Variants in GABRG3 observed in about 807,000 individuals in gnomAD.
The protein encoded by GABRG3 is gamma-aminobutyric acid type A receptor subunit gamma3, also known as gamma-aminobutyric acid receptor subunit gamma-3.
GABRG3 carries 25 observed loss-of-function variants against 48.8 expected under a neutral mutation model. The ratio of observed to expected loss-of-function variants is 0.51; its 90% CI spans 0.37 to 0.72. The LOEUF is 0.72. GABRG3 is among the 30% of genes least tolerant of loss of function. The probability of loss-of-function intolerance (pLI) is 0.00; values close to 1 mark genes in which losing one functional copy is unlikely to be tolerated. For synonymous variants in GABRG3, 227 were observed against 217.6 expected (o/e 1.04, Z -0.38); for missense variants, 394 against 577.9 (o/e 0.68, Z 3.26).
intron 3 of GABRG3, among the ~76,000 whole-genome samples, chr15:27,316,731 G>A (rs1164144351): frequency 6.6e-6 from 1 of 152,148 alleles, no homozygotes; most frequent in Non-Finnish European, 1.5e-5. Flanking sequence ...TTCAATTTCT[G>A]TCAAGGCTAT....
At chr15:27,529,349 A>G (rs1315513446) in intron 9 of GABRG3, among the ~76,000 whole-genome samples, 1 of 152,228 alleles carries the variant, frequency 6.6e-6, no homozygotes, top group Admixed American at 6.5e-5. Context: ...TGATGTGAAC[A>G]ACTTTTATCA....
chr15:27,437,476 C>T (rs1888654092), intron 5 of GABRG3, among the ~76,000 whole-genome samples: 1 of 152,184 alleles, frequency 6.6e-6, no homozygotes, highest in South Asian at 2.1e-4. Flanking sequence ...CTTTCAGATT[C>T]CCTCTACTCC....
chr15:27,089,880 A>T (rs1897155885), intron 3 of GABRG3, among the ~76,000 whole-genome samples: 1 of 152,200 alleles, frequency 6.6e-6, no homozygotes, highest in African/African-American at 2.4e-5. Context: ...TCAGTACTTC[A>T]TTCCTTTTCA....
rs140222935 is a variant in GABRG3 at position 27,249,020 on chromosome 15, C to T, written c.271-77789C>T. On this transcript the variant is annotated intron_variant, in intron 3 of 9. Transcript: ENST00000615808. ...AGCAAGGGAGACCCACTGTTTGCCCCGAGGAGAAAGGACACAGAGTTTAGT... is the reference window on the plus strand; with the variant it reads ...AGCAAGGGAGACCCACTGTTTGCCCTGAGGAGAAAGGACACAGAGTTTAGT... 6.3e-4 allele frequency among the ~76,000 whole-genome samples: 96 copies of T among 152,028 alleles called. 1 individual carries two copies. In the East Asian group the frequency reaches 0.018, roughly 28 times the overall value.
At chr15:27,407,764 A>G (rs1887680909) in intron 5 of GABRG3, among the ~76,000 whole-genome samples, 1 of 152,216 alleles carries the variant, frequency 6.6e-6, no homozygotes, top group Non-Finnish European at 1.5e-5. Flanking sequence ...AGGTAAAACT[A>G]TGGAGACTGT....
At chr15:27,231,160 A>G (rs1889786103) in intron 3 of GABRG3, among the ~76,000 whole-genome samples, 1 of 152,158 alleles carries the variant, frequency 6.6e-6, no homozygotes, top group African/African-American at 2.4e-5. Context: ...TTAGGTACAT[A>G]CATACAAGTG....
intron 3 of GABRG3, among the ~76,000 whole-genome samples, chr15:27,119,689 A>G (rs1897699251): frequency 6.6e-6 from 1 of 152,164 alleles, no homozygotes; most frequent in Non-Finnish European, 1.5e-5. Context: ...CATTCATAGA[A>G]TTCATATTCT....
intron 3 of GABRG3, among the ~76,000 whole-genome samples, chr15:27,233,661 C>G (rs1357586041): frequency 6.6e-6 from 1 of 152,154 alleles, no homozygotes; most frequent in Non-Finnish European, 1.5e-5. Flanking sequence ...AGTCGACTTT[C>G]AACACACGAA....
chr15:27,146,057 A>T (rs1566946792), intron 3 of GABRG3, among the ~76,000 whole-genome samples: 1 of 152,214 alleles, frequency 6.6e-6, no homozygotes, highest in Admixed American at 6.5e-5. Flanking sequence ...AATAAAAAAG[A>T]AAAAACAGAA....
At chr15:27,272,047 G>A (rs1891108442) in intron 3 of GABRG3, among the ~76,000 whole-genome samples, 1 of 152,222 alleles carries the variant, frequency 6.6e-6, no homozygotes, top group South Asian at 2.1e-4. Context: ...GCACTCACAA[G>A]AGGGAAGTGG....
intron 9 of GABRG3, among the ~76,000 whole-genome samples, chr15:27,529,828 GA>G (rs201577297): frequency 4.3e-4 from 1 of 2,336 alleles, no homozygotes; most frequent in African/African-American, 1.9e-3. Flanking sequence ...GCTGCCAAAA[GA>G]AGAAAAAAAA....
intron 3 of GABRG3, among the ~76,000 whole-genome samples, chr15:27,132,470 A>AG (rs78836895): frequency 0.36 from 11,589 of 32,246 alleles, 4,551 homozygotes; most frequent in Non-Finnish European, 0.47. Flanking sequence ...CAGTAGTTAC[A>AG]GTTTTTTTTT....
intron 3 of GABRG3, among the ~76,000 whole-genome samples, chr15:27,266,506 A>G (rs1276020247): frequency 6.6e-6 from 1 of 152,200 alleles, no homozygotes; most frequent in Non-Finnish European, 1.5e-5. Context: ...TTTCAAAGTT[A>G]CTTTGACTGT....
intron 3 of GABRG3, among the ~76,000 whole-genome samples, chr15:27,176,028 G>GA (rs11415524): frequency 0.36 from 48,127 of 135,168 alleles, 8,274 homozygotes; most frequent in Middle Eastern, 0.41. Flanking sequence ...AGTATGCTGG[G>GA]AAAAAAAAAA....
intron 3 of GABRG3, among the ~76,000 whole-genome samples, chr15:27,308,167 T>C (rs1254767533): frequency 1.4e-4 from 3 of 21,290 alleles, no homozygotes; most frequent in African/African-American, 4.7e-4. Context: ...TATAAACATA[T>C]ATGTTTATAT....
At chr15:27,066,465 A>G (rs751581580) in intron 3 of GABRG3, among the ~76,000 whole-genome samples, 10 of 152,244 alleles carry the variant, frequency 6.6e-5, no homozygotes, top group South Asian at 4.1e-4. Flanking sequence ...ACTGCTTTCA[A>G]TGAGATGCCA....
chr15:27,490,780 C>A (rs1890330634), intron 6 of GABRG3, among the ~76,000 whole-genome samples: 1 of 152,176 alleles, frequency 6.6e-6, no homozygotes, highest in Admixed American at 6.5e-5. Flanking sequence ...CTTCGCTCTC[C>A]ATAACAAATA....
intron 3 of GABRG3, among the ~76,000 whole-genome samples, chr15:27,303,535 A>G (rs1385162953): frequency 6.6e-6 from 1 of 151,836 alleles, no homozygotes; most frequent in African/African-American, 2.4e-5. Flanking sequence ...TGGTTAATTG[A>G]ATAAAATATT....
intron 3 of GABRG3, among the ~76,000 whole-genome samples, chr15:27,312,861 A>G (rs1400888854): frequency 1.3e-5 from 2 of 152,050 alleles, no homozygotes; most frequent in Non-Finnish European, 2.9e-5. Flanking sequence ...GTAAATATAT[A>G]GACAAATATA....
Sources: gnomAD v4.1 joint callset for allele counts (sites outside exome capture counted in the v4.1 genomes callset) on GRCh38, gnomAD v4.1.1 for gene constraint, MANE v1.5 for transcripts, NCBI Gene and HGNC (gene_info 2026-07-23, HGNC 2026-07-21) for gene names.